Variants in GPHN observed in about 807,000 individuals in gnomAD.
GPHN encodes the protein gephyrin.
A neutral mutation model predicts 95.5 loss-of-function variants in GPHN; 17 were observed. The observed-to-expected ratio is 0.18, with a 90% CI of 0.12 to 0.27. The LOEUF is 0.27. Ranked by LOEUF, GPHN falls within the 10% of genes least tolerant of loss-of-function variation. The pLI is 1.00. For synonymous variants in GPHN, 320 were observed against 322.5 expected, an observed-to-expected ratio of 0.99 and a Z score of 0.08; for missense variants, 660 against 978.1, an observed-to-expected ratio of 0.67 and a Z score of 4.34.
chr14:67,468,941 C>T, the GPHN span, among the ~76,000 whole-genome samples: 27 of 152,012 alleles, frequency 1.8e-4, no homozygotes, highest in Admixed American at 1.1e-3. Context: ...GGTCTTGGGC[C>T]CCCTCAGTCT....
intron 1 of GPHN, among the ~76,000 whole-genome samples, chr14:66,562,724 T>A (rs2140293815): frequency 6.6e-6 from 1 of 152,182 alleles, no homozygotes; most frequent in East Asian, 1.9e-4. Context: ...TAAGGGATAG[T>A]ATGGTTTGCT....
At chr14:67,391,082 G>C in the GPHN span, among the ~76,000 whole-genome samples, 1 of 152,116 alleles carries the variant, frequency 6.6e-6, no homozygotes, top group African/African-American at 2.4e-5. Context: ...GGAGCACACA[G>C]GCAAACTTGA....
At chr14:67,289,049 C>T in the GPHN span, among the ~76,000 whole-genome samples, 1 of 149,692 alleles carries the variant, frequency 6.7e-6, no homozygotes, top group Non-Finnish European at 1.5e-5. Context: ...TCACTGCAAC[C>T]TCCGCCACCC....
chr14:67,369,204 C>A, the GPHN span, among the ~76,000 whole-genome samples: 1 of 152,040 alleles, frequency 6.6e-6, no homozygotes, highest in Non-Finnish European at 1.5e-5. Context: ...GCAGACAATA[C>A]CTTAAGGAGA....
chr14:66,879,774 C>G (rs2063842840), intron 4 of GPHN, among the ~76,000 whole-genome samples, 165 bp from the exon 5 acceptor site: 1 of 151,900 alleles, frequency 6.6e-6, no homozygotes, highest in Non-Finnish European at 1.5e-5. Flanking sequence ...TTCAGTGGTC[C>G]TTGTGAATTG....
At chr14:67,207,043 A>G in the GPHN span, among the ~76,000 whole-genome samples, 1 of 152,168 alleles carries the variant, frequency 6.6e-6, no homozygotes. Flanking sequence ...ATACGCTATA[A>G]TAAATATGTA....
rs765802171 is a variant in GPHN, at chr14:66,508,489, C to T, written c.-39C>T. 39 of 1,604,656 alleles carry T rather than the reference C, an allele frequency of 2.4e-5. No homozygotes were observed. In the East Asian group the frequency reaches 4.0e-4, roughly 17 times the overall value. ...GCCCGCGCGCTCCGGGCTCCGGTTT[C>T]TCCCGGCTCCTGTCAGTGCGGTGAC... On this transcript the variant is annotated 5_prime_UTR_variant, in exon 1 of 23. Transcript: ENST00000478722.
At chr14:66,674,553 G>A (rs1034964025) in intron 1 of GPHN, among the ~76,000 whole-genome samples, 3 of 152,076 alleles carry the variant, frequency 2.0e-5, no homozygotes, top group African/African-American at 7.2e-5. Context: ...ATATGCATGA[G>A]AACATGCAGT....
At chr14:66,650,303 A>G (rs2064981053) in intron 1 of GPHN, among the ~76,000 whole-genome samples, 1 of 152,196 alleles carries the variant, frequency 6.6e-6, no homozygotes, top group Non-Finnish European at 1.5e-5. Flanking sequence ...GTTTTTCAAA[A>G]GAAAAGAACA....
chr14:66,610,684 G>A (rs28679343), intron 1 of GPHN, among the ~76,000 whole-genome samples: 4,435 of 152,124 alleles, frequency 0.029, 201 homozygotes, highest in African/African-American at 0.1. Flanking sequence ...CTTTATTTAG[G>A]GTCATTGCGA....
At chr14:67,228,367 T>A in the GPHN span, 1 of 515,398 alleles carries the variant, frequency 1.9e-6, no homozygotes, top group Non-Finnish European at 2.5e-6. Flanking sequence ...GTAATAACAC[T>A]AAAAATATTC....
chr14:67,640,586 T>A, the GPHN span, among the ~76,000 whole-genome samples: 95 of 152,344 alleles, frequency 6.2e-4, no homozygotes, highest in African/African-American at 2.2e-3. Flanking sequence ...CTGCTCTTAA[T>A]CCGAACCTTT....
rs551235380 is a variant in GPHN, at chr14:66,596,634, A to G, written c.65-84473A>G. Among the ~76,000 whole-genome samples, 7 of 152,242 alleles carry G rather than the reference A, an allele frequency of 4.6e-5. No homozygotes were observed. The East Asian group carries it at 1.2e-3, about 25-fold the overall frequency. On this transcript the variant is annotated intron_variant, in intron 1 of 22. Transcript: ENST00000478722. ...CAGGCTTGGCCACAACTTTGCTTCA[A>G]AATTGGAGCGGGTGTTTGTAGTGGG...
At chr14:66,771,731 C>T (rs2059182782) in intron 2 of GPHN, among the ~76,000 whole-genome samples, 1 of 119,652 alleles carries the variant, frequency 8.4e-6, no homozygotes, top group African/African-American at 3.2e-5. Context: ...CCCCCTCCCC[C>T]CACCCCACAA....
chr14:67,327,495 A>AT, the GPHN span, among the ~76,000 whole-genome samples: 1 of 146,382 alleles, frequency 6.8e-6, no homozygotes, highest in South Asian at 2.1e-4. Flanking sequence ...TTATTTTTTT[A>AT]TTTTTTTATT....
At chr14:67,166,389 A>G (rs2082279228) in intron 20 of GPHN, among the ~76,000 whole-genome samples, 1 of 152,190 alleles carries the variant, frequency 6.6e-6, no homozygotes, top group Non-Finnish European at 1.5e-5. Context: ...GGAAGATATG[A>G]CTTAACCTAC....
chr14:67,501,173 A>G, the GPHN span, among the ~76,000 whole-genome samples: 2 of 151,720 alleles, frequency 1.3e-5, no homozygotes, highest in Non-Finnish European at 2.9e-5. Context: ...CGAAATGCAA[A>G]CCTCCAGCAG....
chr14:67,560,014 CTTTTAT>C, the GPHN span, among the ~76,000 whole-genome samples: 1 of 152,118 alleles, frequency 6.6e-6, no homozygotes, highest in Non-Finnish European at 1.5e-5. Flanking sequence ...TCCACTTTCT[CTTTTAT>C]TTTTATTTAT....
intron 1 of GPHN, among the ~76,000 whole-genome samples, chr14:66,623,912 T>G (rs1019972143): frequency 6.6e-6 from 1 of 152,120 alleles, no homozygotes; most frequent in African/African-American, 2.4e-5. Context: ...ATATTTCACC[T>G]CCTTGAGCGA....
Sources: gnomAD v4.1 joint callset for allele counts (sites outside exome capture counted in the v4.1 genomes callset) on GRCh38, gnomAD v4.1.1 for gene constraint, MANE v1.5 for transcripts, NCBI Gene and HGNC (gene_info 2026-07-23, HGNC 2026-07-21) for gene names.